CTNNA3: variants seen among roughly 807,000 people sequenced by gnomAD.
CTNNA3 encodes catenin alpha 3, also known as catenin alpha-3.
A neutral mutation model predicts 95.7 loss-of-function variants in CTNNA3; 76 were observed. The observed-to-expected ratio is 0.79, with a 90% confidence interval of 0.66 to 0.96. CTNNA3 has a LOEUF of 0.96. CTNNA3 is among the 40% of genes least tolerant of loss of function. The pLI is 0.00. For missense variants in CTNNA3, 1,191 were observed against 1,089.8 expected (o/e 1.09, Z -1.31); for synonymous variants, 431 against 374.4 (o/e 1.15, Z -1.74).
At chr10:66,459,499 A>T (rs1289398288) in intron 11 of CTNNA3, among the ~76,000 whole-genome samples, 2 of 152,140 alleles carry the variant, frequency 1.3e-5, no homozygotes, top group Non-Finnish European at 2.9e-5. Flanking sequence ...GGCAATACCC[A>T]AGGGTTTCAG....
intron 7 of CTNNA3, among the ~76,000 whole-genome samples, chr10:66,818,545 AAGG>A (rs1307420959): frequency 6.6e-6 from 1 of 152,192 alleles, no homozygotes; most frequent in Non-Finnish European, 1.5e-5. Context: ...AAATTTAACA[AAGG>A]AAGTTCAAGA....
At chr10:67,376,801 T>C (rs909760535) in intron 5 of CTNNA3, among the ~76,000 whole-genome samples, 3 of 152,280 alleles carry the variant, frequency 2.0e-5, no homozygotes, top group East Asian at 3.9e-4. Flanking sequence ...CTTGGAAAAG[T>C]AGTTTAATTA....
At chr10:66,962,424 T>G (rs573641331) in intron 7 of CTNNA3, among the ~76,000 whole-genome samples, 115 of 151,720 alleles carry the variant, frequency 7.6e-4, no homozygotes, top group African/African-American at 1.3e-3. Flanking sequence ...TTTTGTTTTT[T>G]TTTTGAGACA....
At chr10:66,959,986 T>C (rs1256213662) in intron 7 of CTNNA3, among the ~76,000 whole-genome samples, 2 of 152,150 alleles carry the variant, frequency 1.3e-5, no homozygotes, top group South Asian at 4.1e-4. Context: ...AAGGCTAGTC[T>C]GTACTGAGTT....
intron 13 of CTNNA3, among the ~76,000 whole-genome samples, chr10:66,262,080 A>G (rs965315855): frequency 5.3e-5 from 8 of 152,044 alleles, no homozygotes; most frequent in African/African-American, 1.9e-4. Context: ...TATTATGGTT[A>G]CTTGATTGTG....
Position 66,869,060 on chromosome 10 carries a change from C to A in CTNNA3, c.1048-93536G>T, listed in dbSNP as rs550594078. Among the ~76,000 whole-genome samples the A allele has an allele frequency of 1.6e-3, 244 of 152,180 alleles. 1 individual carries two copies. The highest frequency in any genetic ancestry group is 5.6e-3 in the South Asian group (27 of 4,828). On this transcript the variant is annotated intron_variant, in intron 7 of 17. Transcript: ENST00000433211. ...GGTAGGAAGGTACCTACAGTGTTAC[C>A]AAATTTTTCAAGAGAATCTAGAATT...
intron 12 of CTNNA3, among the ~76,000 whole-genome samples, chr10:66,363,207 T>C (rs926987026): frequency 1.3e-5 from 2 of 152,178 alleles, no homozygotes; most frequent in African/African-American, 4.8e-5. Flanking sequence ...ATAATTTTAG[T>C]TTGAAGAAAG....
At chr10:66,830,077 C>G (rs1842662970) in intron 7 of CTNNA3, among the ~76,000 whole-genome samples, 1 of 152,152 alleles carries the variant, frequency 6.6e-6, no homozygotes, top group Non-Finnish European at 1.5e-5. Flanking sequence ...TTGGAAACCA[C>G]TCTATGTGTT....
At chr10:66,577,017 T>C (rs1176484870) in intron 10 of CTNNA3, among the ~76,000 whole-genome samples, 1 of 139,040 alleles carries the variant, frequency 7.2e-6, no homozygotes, top group Non-Finnish European at 1.7e-5. Flanking sequence ...TTTTTAATAA[T>C]AGCTATTCTG....
chr10:66,280,556 C>T lies in CTNNA3; in HGVS notation c.1798G>A (p.Val600Met), dbSNP rs2091474586. ...LEALSKSSLN[V>M]LDDNQFVDIS... is the part of the protein sequence containing the mutation. ...TCCACAAATTGATTATCATCCAACACATTCAATGAGCTTTTGCTTAAGGCT... is the reference window on the plus strand; with the variant it reads ...TCCACAAATTGATTATCATCCAACATATTCAATGAGCTTTTGCTTAAGGCT... The change falls in exon 13 of 18, where the codon GTG becomes ATG. Residue 600 changes from valine to methionine, a missense_variant. Transcript: ENST00000433211. 6.2e-7 allele frequency: 1 copy of T among 1,609,548 alleles called. No individual in the cohort carries two copies.
chr10:66,116,312 A>C (rs868840553), intron 13 of CTNNA3, among the ~76,000 whole-genome samples: 3 of 152,158 alleles, frequency 2.0e-5, no homozygotes, highest in Non-Finnish European at 4.4e-5. Context: ...TAAAATGTCC[A>C]TGTATTTCTT....
intron 15 of CTNNA3, among the ~76,000 whole-genome samples, chr10:66,064,526 C>T (rs2080274121): frequency 2.0e-5 from 3 of 152,114 alleles, no homozygotes; most frequent in Admixed American, 2.0e-4. Context: ...ATCTCTATTT[C>T]TTAAAGATGG....
At chr10:67,412,643 G>T (rs939597775) in intron 5 of CTNNA3, among the ~76,000 whole-genome samples, 1 of 152,034 alleles carries the variant, frequency 6.6e-6, no homozygotes, top group Non-Finnish European at 1.5e-5. Context: ...ATCCCACCAG[G>T]CTAGAAGCAG....
chr10:66,450,035 T>C lies in CTNNA3; in HGVS notation c.1531+70582A>G, dbSNP rs139618394. 2.8e-3 allele frequency among the ~76,000 whole-genome samples: 427 copies of C among 152,150 alleles called. 3 individuals carry two copies. Among genetic ancestry groups the C allele is most frequent in the Non-Finnish European group, 4.8e-3 (327 of 67,962 alleles). On this transcript the variant is annotated intron_variant, in intron 11 of 17. Transcript: ENST00000433211. ...ATTTTTTTTGAGGTAATTGTTTCAATAATTATTTTTTTAACTGACCTTCAA... is the reference window on the plus strand; with the variant it reads ...ATTTTTTTTGAGGTAATTGTTTCAACAATTATTTTTTTAACTGACCTTCAA...
At chr10:66,670,424 C>A (rs981495724) in intron 9 of CTNNA3, among the ~76,000 whole-genome samples, 4 of 152,268 alleles carry the variant, frequency 2.6e-5, no homozygotes, top group Admixed American at 2.0e-4. Flanking sequence ...CCTTGGGGCT[C>A]TTCTCCAGGG....
At chr10:66,113,194 T>G (rs2082184100) in intron 13 of CTNNA3, among the ~76,000 whole-genome samples, 1 of 151,318 alleles carries the variant, frequency 6.6e-6, no homozygotes, top group East Asian at 1.9e-4. Context: ...CTCATTGTAT[T>G]TTTTTTTTCA....
At chr10:66,075,838 AT>A (rs5785747) in intron 14 of CTNNA3, among the ~76,000 whole-genome samples, 4,688 of 148,690 alleles carry the variant, frequency 0.032, 99 homozygotes, top group Admixed American at 0.063. Context: ...CCTTTCCACA[AT>A]TTTTTTTTTG....
At chr10:67,662,892 A>G (rs1250677279) in intron 1 of CTNNA3, among the ~76,000 whole-genome samples, 1 of 152,196 alleles carries the variant, frequency 6.6e-6, no homozygotes, top group Non-Finnish European at 1.5e-5. Flanking sequence ...TTTTAAAAAC[A>G]TCTTTTGTGT....
intron 7 of CTNNA3, among the ~76,000 whole-genome samples, chr10:66,865,529 T>C (rs1844139418): frequency 1.3e-5 from 2 of 152,154 alleles, no homozygotes; most frequent in African/African-American, 2.4e-5. Flanking sequence ...TTAGCCACTT[T>C]ATGCATATAA....
Sources: allele counts gnomAD v4.1 joint callset (sites outside exome capture counted in the v4.1 genomes callset), GRCh38; gene constraint gnomAD v4.1.1; transcripts MANE v1.5; gene names NCBI Gene and HGNC (gene_info 2026-07-23, HGNC 2026-07-21).